The following DENND1A variants were observed in gnomAD, a reference collection of about 807,000 sequenced individuals.
The protein encoded by DENND1A is DENN domain-containing protein 1A.
Under a neutral mutation model 113.7 loss-of-function variants are expected in DENND1A, and 51 were observed. The ratio of observed to expected loss-of-function variants is 0.45; its 90% CI spans 0.36 to 0.57. The LOEUF (loss-of-function observed/expected upper bound fraction) is 0.57, where lower values mean the gene tolerates loss of function less well. DENND1A is among the 20% of genes least tolerant of loss of function. The pLI, the probability that DENND1A is intolerant of heterozygous loss-of-function variation, is 0.00. For synonymous variants in DENND1A, 565 were observed against 570.8 expected (o/e 0.99, Z 0.14); for missense variants, 1,258 against 1,395.9 (o/e 0.90, Z 1.57).
At chr9:123,498,500 A>G (rs1184783657) in intron 13 of DENND1A, among the ~76,000 whole-genome samples, 1 of 152,208 alleles carries the variant, frequency 6.6e-6, no homozygotes, top group African/African-American at 2.4e-5. Flanking sequence ...TCTTATCTCT[A>G]AGCCCATTCT....
chr9:123,819,075 C>T (rs1025756759), intron 2 of DENND1A, among the ~76,000 whole-genome samples: 4 of 152,320 alleles, frequency 2.6e-5, no homozygotes, highest in South Asian at 2.1e-4. Flanking sequence ...GTCCAGGAAG[C>T]TGGGCTTCAA....
chr9:123,505,619 T>G (rs1438708825), intron 13 of DENND1A, among the ~76,000 whole-genome samples: 1 of 152,226 alleles, frequency 6.6e-6, no homozygotes, highest in East Asian at 1.9e-4. Context: ...ATGAAATCTT[T>G]ATTTTAATTG....
chr9:123,811,010 C>T (rs1042541631), intron 2 of DENND1A, among the ~76,000 whole-genome samples: 8 of 152,106 alleles, frequency 5.3e-5, no homozygotes, highest in African/African-American at 1.2e-4. Context: ...GCACCCACCT[C>T]GGCCTCCCAA....
chr9:123,671,735 G>A (rs1051640969), intron 6 of DENND1A, among the ~76,000 whole-genome samples: 4 of 152,094 alleles, frequency 2.6e-5, no homozygotes, highest in Non-Finnish European at 5.9e-5. Context: ...GAGAAATAAC[G>A]ATGACACTAT....
intron 12 of DENND1A, among the ~76,000 whole-genome samples, chr9:123,563,089 G>T (rs2057854620): frequency 6.6e-6 from 1 of 152,172 alleles, no homozygotes; most frequent in Non-Finnish European, 1.5e-5. Flanking sequence ...GAAAGGATGG[G>T]AAGAGAAAGT....
chr9:123,889,937 C>T (rs1301360570), intron 1 of DENND1A, among the ~76,000 whole-genome samples: 2 of 151,916 alleles, frequency 1.3e-5, no homozygotes, highest in African/African-American at 4.8e-5. Flanking sequence ...GGCACCATTG[C>T]ACTCCAGCCT....
chr9:123,662,056 T>C (rs868367398), intron 8 of DENND1A, among the ~76,000 whole-genome samples: 6 of 152,114 alleles, frequency 3.9e-5, no homozygotes, highest in South Asian at 4.1e-4. Flanking sequence ...CCCAGCACAA[T>C]AGATGAAAAC....
At chr9:123,744,003 G>A (rs1445989891) in intron 5 of DENND1A, among the ~76,000 whole-genome samples, 1 of 152,076 alleles carries the variant, frequency 6.6e-6, no homozygotes, top group East Asian at 1.9e-4. Flanking sequence ...CTAAAGTACT[G>A]CCGTTTGTGG....
intron 1 of DENND1A, among the ~76,000 whole-genome samples, chr9:123,904,030 C>CG (rs1852262741): frequency 6.6e-6 from 1 of 151,858 alleles, no homozygotes; most frequent in South Asian, 2.1e-4. Context: ...GATCTGAGAA[C>CG]GGGCAGACTG....
At chr9:123,571,377 C>T (rs2058348635) in intron 12 of DENND1A, among the ~76,000 whole-genome samples, 1 of 152,246 alleles carries the variant, frequency 6.6e-6, no homozygotes, top group Admixed American at 6.5e-5. Context: ...AATGTCTACA[C>T]GTGTGTAACC....
At chr9:123,867,479 T>C (rs1007191335) in intron 2 of DENND1A, among the ~76,000 whole-genome samples, 1 of 152,218 alleles carries the variant, frequency 6.6e-6, no homozygotes, top group African/African-American at 2.4e-5. Context: ...TTTTAAGCAT[T>C]AAAACTTGAT....
At chr9:123,448,501 C>T (rs1040657515) in intron 18 of DENND1A, among the ~76,000 whole-genome samples, 5 of 152,160 alleles carry the variant, frequency 3.3e-5, no homozygotes, top group Non-Finnish European at 5.9e-5. Context: ...CTGATACCAA[C>T]GAGCCTACGA....
chr9:123,537,116 C>T (rs1375767869), intron 13 of DENND1A, among the ~76,000 whole-genome samples: 1 of 151,938 alleles, frequency 6.6e-6, no homozygotes, highest in Admixed American at 6.6e-5. Flanking sequence ...GAGCTAAAGA[C>T]ACTAAGAAAA....
chr9:123,383,524 C>A, intron 23 of DENND1A, 131 bp downstream of exon 23: 1 of 1,420,874 alleles, frequency 7.0e-7, no homozygotes, highest in East Asian at 2.3e-5. Flanking sequence ...CACACTGACC[C>A]TGAGCATTGG....
At chr9:123,616,587 C>G (rs1326087175) in intron 10 of DENND1A, among the ~76,000 whole-genome samples, 2 of 152,166 alleles carry the variant, frequency 1.3e-5, no homozygotes, top group African/African-American at 2.4e-5. Flanking sequence ...AAAAAGGAAG[C>G]TGTGGCAAGG....
chr9:123,768,579 C>A (rs375223067), intron 4 of DENND1A, among the ~76,000 whole-genome samples: 2 of 152,128 alleles, frequency 1.3e-5, no homozygotes, highest in South Asian at 2.1e-4. Flanking sequence ...TTTTCTATAA[C>A]CTTTCTGTCA....
At chr9:123,411,589 G>A (rs77547290) in intron 20 of DENND1A, 187 bp downstream of exon 20, 2,904 of 204,884 alleles carry the variant, frequency 0.014, 78 homozygotes, top group African/African-American at 0.065. Flanking sequence ...ACTTATTCAC[G>A]AAAAAGCAAG....
intron 2 of DENND1A, among the ~76,000 whole-genome samples, chr9:123,870,566 A>C (rs1434389786): frequency 1.3e-5 from 2 of 151,176 alleles, no homozygotes; most frequent in African/African-American, 4.9e-5. Context: ...CCTCCTGAGT[A>C]GCTTGAATTA....
At chr9:123,477,028 T>C (rs2049972215) in intron 13 of DENND1A, among the ~76,000 whole-genome samples, 1 of 152,180 alleles carries the variant, frequency 6.6e-6, no homozygotes, top group South Asian at 2.1e-4. Context: ...TGGCACAGGC[T>C]CTATCTTACT....
Sources: allele counts gnomAD v4.1 joint callset (sites outside exome capture counted in the v4.1 genomes callset), GRCh38; gene constraint gnomAD v4.1.1; transcripts MANE v1.5; gene names NCBI Gene and HGNC (gene_info 2026-07-23, HGNC 2026-07-21).